The following IDE variants were observed in gnomAD, a reference collection of about 807,000 sequenced individuals.
IDE encodes insulin degrading enzyme.
A neutral mutation model predicts 133.2 loss-of-function variants in IDE; 58 were observed. The observed-to-expected ratio is 0.44, with a 90% CI of 0.35 to 0.54. The LOEUF is 0.54. IDE is among the 20% of genes least tolerant of loss of function. The pLI, the probability that IDE is intolerant of heterozygous loss-of-function variation, is 0.00. For synonymous variants in IDE, 396 were observed against 421.3 expected (o/e 0.94, Z 0.73); for missense variants, 981 against 1,234.0 (o/e 0.79, Z 3.07).
intron 1 of IDE, among the ~76,000 whole-genome samples, chr10:92,549,386 T>C (rs1325843677): frequency 1.3e-5 from 2 of 152,142 alleles, no homozygotes; most frequent in East Asian, 1.9e-4. Flanking sequence ...TCCACTTAAA[T>C]CCAAGAGACA....
At chr10:92,519,898 A>C (rs1849129532) in intron 4 of IDE, among the ~76,000 whole-genome samples, 1 of 152,212 alleles carries the variant, frequency 6.6e-6, no homozygotes, top group African/African-American at 2.4e-5. Context: ...TGAGGTCAGG[A>C]GCTTGAGACC....
intron 13 of IDE, among the ~76,000 whole-genome samples, chr10:92,485,125 C>CTTTCTTTTTTTTT (rs371286432): frequency 9.9e-6 from 1 of 100,860 alleles, no homozygotes; most frequent in Non-Finnish European, 1.9e-5. Flanking sequence ...TTCTTTCTTT[C>CTTTCTTTTTTTTT]TTTTTTTTTT....
intron 22 of IDE, among the ~76,000 whole-genome samples, chr10:92,457,421 A>G (rs1032998185): frequency 5.3e-5 from 8 of 152,162 alleles, no homozygotes; most frequent in Non-Finnish European, 8.8e-5. Context: ...CATGAATTAC[A>G]TGGGTCACAC....
At chr10:92,505,079 GC>G (rs1474720922) in intron 10 of IDE, among the ~76,000 whole-genome samples, 182 bp from the exon 11 acceptor site, 1 of 152,078 alleles carries the variant, frequency 6.6e-6, no homozygotes, top group African/African-American at 2.4e-5. Flanking sequence ...ACATTGTTAA[GC>G]AGTTTCATAT....
At chr10:92,469,424 G>A (rs1157973036) in intron 18 of IDE, among the ~76,000 whole-genome samples, 7 of 151,990 alleles carry the variant, frequency 4.6e-5, no homozygotes, top group Non-Finnish European at 7.4e-5. Context: ...TAGAGACCAA[G>A]GGATCTTTTC....
chr10:92,483,534 CAG>C (rs1241757326), intron 13 of IDE, among the ~76,000 whole-genome samples, 197 bp from the exon 14 acceptor site: 2 of 152,218 alleles, frequency 1.3e-5, no homozygotes, highest in Non-Finnish European at 2.9e-5. Context: ...ACTCCTGTAG[CAG>C]AGTGAAATCT....
At chr10:92,480,997 A>G in intron 14 of IDE, 1 of 570,882 alleles carries the variant, frequency 1.8e-6, no homozygotes, top group Non-Finnish European at 2.2e-6. Context: ...ACAGCTATCC[A>G]AATATTCTCC....
intron 11 of IDE, chr10:92,497,654 T>A (rs1564624402): frequency 1.2e-6 from 1 of 838,070 alleles, no homozygotes; most frequent in Non-Finnish European, 1.4e-6. Context: ...CAGCGGGTAT[T>A]AAAGAAGGTA....
At chr10:92,529,991 C>T (rs1025902455) in intron 4 of IDE, among the ~76,000 whole-genome samples, 2 of 151,946 alleles carry the variant, frequency 1.3e-5, no homozygotes, top group African/African-American at 2.4e-5. Context: ...TTTGGAAGGC[C>T]GAGGCAGGCG....
At chr10:92,564,697 A>C (rs1378875802) in intron 1 of IDE, among the ~76,000 whole-genome samples, 3 of 148,288 alleles carry the variant, frequency 2.0e-5, no homozygotes, top group Non-Finnish European at 4.5e-5. Flanking sequence ...AAAAAAAAAA[A>C]AAAAAAAAAA....
chr10:92,487,985 T>C (rs924842826), intron 12 of IDE, among the ~76,000 whole-genome samples: 1 of 152,016 alleles, frequency 6.6e-6, no homozygotes, highest in Non-Finnish European at 1.5e-5. Flanking sequence ...TTAGTAGAGA[T>C]TGGGTTTCAC....
At chr10:92,571,700 C>G (rs1027883714) in intron 1 of IDE, among the ~76,000 whole-genome samples, 3 of 152,184 alleles carry the variant, frequency 2.0e-5, no homozygotes, top group African/African-American at 7.2e-5. Context: ...ATCTCTGTCT[C>G]AAGAGGTTAG....
intron 11 of IDE, among the ~76,000 whole-genome samples, chr10:92,501,216 C>A (rs983618112): frequency 8.0e-5 from 12 of 149,322 alleles, no homozygotes; most frequent in Non-Finnish European, 1.2e-4. Flanking sequence ...AAAAAATTAG[C>A]TGGGCATTGG....
In IDE at chr10:92,490,612, C is replaced by A. The variant is rs1386788019; in HGVS notation, c.1431-17G>T. 3.3e-6 allele frequency: 5 copies of A among 1,495,618 alleles called. No individual in the cohort carries two copies. The highest frequency in any genetic ancestry group is 1.8e-5 in the Admixed American group (1 of 56,936). The allele number at this position is 1,495,618 out of a possible 1,614,324, so 92.6% of individuals were successfully genotyped here. On this transcript the variant is annotated splice_polypyrimidine_tract_variant and intron_variant, in intron 11 of 24. Transcript: ENST00000265986. ...ATGGCAACCCTAGAGATAGAAAAAA[C>A]AAACAAAAAAACCCTGTAAACTCAT...
rs1844772769 is a variant in IDE at position 92,452,107 on chromosome 10, T to C, written c.*2337A>G. ...CCCAGAAACACTTTTAAAATGTTAA[T>C]ATAATTCACTGCTTTCTGCATTATG... On this transcript the variant is annotated 3_prime_UTR_variant, in exon 25 of 25. Transcript: ENST00000265986. 1 of 152,226 alleles carries C rather than the reference T, an allele frequency of 6.6e-6. No homozygotes were observed. 9.4% of individuals were successfully genotyped at this position (152,226 alleles called of 1,614,324 possible). A position where few individuals can be genotyped will look rare whatever the true frequency, so the allele number is the denominator to read the frequency against.
At chr10:92,534,374 T>C (rs1326313164) in intron 3 of IDE, among the ~76,000 whole-genome samples, 3 of 152,246 alleles carry the variant, frequency 2.0e-5, no homozygotes, top group Admixed American at 2.0e-4. Flanking sequence ...GAAAATTCTA[T>C]ACCTCAATAA....
intron 11 of IDE, among the ~76,000 whole-genome samples, chr10:92,498,066 C>T (rs1328820859): frequency 2.0e-5 from 3 of 152,130 alleles, no homozygotes; most frequent in Non-Finnish European, 4.4e-5. Context: ...TTTGACTTTG[C>T]TAAATCATTT....
chr10:92,510,545 T>C (rs1848525808), intron 5 of IDE, among the ~76,000 whole-genome samples: 1 of 152,010 alleles, frequency 6.6e-6, no homozygotes, highest in Non-Finnish European at 1.5e-5. Context: ...GTATTTGCAT[T>C]TTATTTATAA....
At chr10:92,486,035 A>G (rs1846973155) in intron 13 of IDE, among the ~76,000 whole-genome samples, 1 of 151,904 alleles carries the variant, frequency 6.6e-6, no homozygotes, top group Non-Finnish European at 1.5e-5. Flanking sequence ...CTAATATAAA[A>G]CTCTTTAAAA....
Sources: allele counts gnomAD v4.1 joint callset (sites outside exome capture counted in the v4.1 genomes callset), GRCh38; gene constraint gnomAD v4.1.1; transcripts MANE v1.5; gene names NCBI Gene and HGNC (gene_info 2026-07-23, HGNC 2026-07-21).